Variants in UNC5D observed in about 807,000 individuals in gnomAD.
The protein encoded by UNC5D is unc-5 netrin receptor D.
In UNC5D, 39 loss-of-function variants were observed where a neutral mutation model predicts 105.4. That is an observed-to-expected ratio of 0.37 (90% CI 0.29 to 0.48). The LOEUF (loss-of-function observed/expected upper bound fraction) is 0.48. Ranked by LOEUF, UNC5D falls within the 20% of genes least tolerant of loss-of-function variation. UNC5D has a pLI of 0.98. For missense variants in UNC5D, 991 were observed against 1,202.4 expected (o/e 0.82, Z 2.60); for synonymous variants, 452 against 450.4 (o/e 1.00, Z -0.04).
intron 3 of UNC5D, among the ~76,000 whole-genome samples, chr8:35,578,111 G>A (rs1164024964): frequency 6.6e-6 from 1 of 151,368 alleles, no homozygotes; most frequent in African/African-American, 2.4e-5. Context: ...TGTAATCCCA[G>A]CTGCTCAGGA....
At chr8:35,525,295 T>G in intron 1 of UNC5D, 1 of 1,612,156 alleles carries the variant, frequency 6.2e-7, no homozygotes, top group South Asian at 1.1e-5. Flanking sequence ...CTCAGTGCAC[T>G]CCCCTCTTTG....
intron 3 of UNC5D, among the ~76,000 whole-genome samples, chr8:35,579,614 C>A (rs142033818): frequency 6.6e-6 from 1 of 152,112 alleles, no homozygotes; most frequent in African/African-American, 2.4e-5. Flanking sequence ...TGAGTCCATC[C>A]ATCCAGGATG....
chr8:35,584,396 G>A (rs897221230), intron 3 of UNC5D, among the ~76,000 whole-genome samples: 2 of 150,792 alleles, frequency 1.3e-5, no homozygotes, highest in Non-Finnish European at 3.0e-5. Flanking sequence ...TTGTTTGTTT[G>A]TTTTGTTTTG....
intron 1 of UNC5D, among the ~76,000 whole-genome samples, chr8:35,512,997 A>T (rs190057239): frequency 4.2e-4 from 62 of 147,594 alleles, no homozygotes; most frequent in African/African-American, 1.5e-3. Context: ...CTTTATTCTC[A>T]TTTCTTCCTC....
In UNC5D at chr8:35,790,857, A is replaced by G. The variant is rs1283757570; in HGVS notation, c.*294A>G. ...AGTGAGGGCAGAAGTAGCTGTGGGA[A>G]AAGATGAGCTATGATAATGCTGGGA... On this transcript the variant is annotated 3_prime_UTR_variant, in exon 17 of 17. Transcript: ENST00000404895. 9.2e-6 allele frequency: 4 copies of G among 436,814 alleles called. No individual in the cohort carries two copies. The highest frequency in any genetic ancestry group is 1.7e-5 in the Non-Finnish European group (4 of 239,964). The allele number at this position is 436,814 out of a possible 1,614,324, so 27.1% of individuals were successfully genotyped here.
At chr8:35,510,010 C>T (rs188581430) in intron 1 of UNC5D, among the ~76,000 whole-genome samples, 202 of 152,182 alleles carry the variant, frequency 1.3e-3, no homozygotes, top group African/African-American at 4.7e-3. Flanking sequence ...AGCTTTCGTG[C>T]CCTCTTTGGG....
chr8:35,423,212 A>G (rs1919344), intron 1 of UNC5D, among the ~76,000 whole-genome samples: 79,625 of 152,022 alleles, frequency 0.52, 21,556 homozygotes, highest in African/African-American at 0.66. Flanking sequence ...GTGTTGAGCA[A>G]GAGTCCTCCT....
intron 1 of UNC5D, among the ~76,000 whole-genome samples, chr8:35,246,446 A>G (rs1803105132): frequency 6.6e-6 from 1 of 152,112 alleles, no homozygotes. Context: ...CAGTGGCTGT[A>G]GGTTAATGCA....
At chr8:35,304,261 T>G (rs1202465472) in intron 1 of UNC5D, among the ~76,000 whole-genome samples, 1 of 152,136 alleles carries the variant, frequency 6.6e-6, no homozygotes, top group Non-Finnish European at 1.5e-5. Flanking sequence ...GGGAAGATAT[T>G]TACTTGCTGT....
rs376511041 is a variant in UNC5D, at chr8:35,322,987, C to A, written c.103+87100C>A. On this transcript the variant is annotated intron_variant, in intron 1 of 16. Coordinates refer to ENST00000404895, the MANE Select transcript of UNC5D (RefSeq NM_080872.4). ...ATCTTACAGGCTTCTTTATTTTAGCCCAGGCATTTCTGCCTCTGCAATCCA... is the reference window on the plus strand; with the variant it reads ...ATCTTACAGGCTTCTTTATTTTAGCACAGGCATTTCTGCCTCTGCAATCCA... Among the ~76,000 whole-genome samples, 140 of 152,068 alleles carry A rather than the reference C, an allele frequency of 9.2e-4. 4 individuals carry two copies. In the South Asian group the frequency reaches 0.025, roughly 27 times the overall value.
At chr8:35,563,260 T>C (rs887313966) in intron 2 of UNC5D, among the ~76,000 whole-genome samples, 4 of 151,518 alleles carry the variant, frequency 2.6e-5, no homozygotes, top group African/African-American at 9.7e-5. Context: ...TTTACTTTTG[T>C]GTATGTCCTC....
intron 16 of UNC5D, among the ~76,000 whole-genome samples, chr8:35,778,760 C>T (rs1432447296): frequency 6.6e-6 from 1 of 152,208 alleles, no homozygotes; most frequent in African/African-American, 2.4e-5. Flanking sequence ...TTTGCTTTTA[C>T]TTTATTGCCA....
intron 1 of UNC5D, among the ~76,000 whole-genome samples, chr8:35,432,604 C>A (rs1806717484): frequency 1.3e-5 from 2 of 152,108 alleles, no homozygotes; most frequent in African/African-American, 4.8e-5. Context: ...TAATTCTATG[C>A]AACTAATGTT....
chr8:35,750,131 C>A (rs555250425), intron 12 of UNC5D, among the ~76,000 whole-genome samples: 1 of 152,112 alleles, frequency 6.6e-6, no homozygotes, highest in African/African-American at 2.4e-5. Flanking sequence ...TGAACATAAC[C>A]ATTTCTTGAG....
chr8:35,470,382 G>A (rs1809616257), intron 1 of UNC5D, among the ~76,000 whole-genome samples: 1 of 151,938 alleles, frequency 6.6e-6, no homozygotes, highest in Non-Finnish European at 1.5e-5. Context: ...TGTTGACCTA[G>A]GGGAATTGGC....
Position 35,684,703 on chromosome 8 carries a change from T to C in UNC5D, c.873T>C (p.Cys291=), listed in dbSNP as rs1315751869. The C allele has an allele frequency of 6.2e-7, 1 of 1,613,872 alleles. No individual in the cohort carries two copies. Among genetic ancestry groups the C allele is most frequent in the Non-Finnish European group, 8.5e-7 (1 of 1,179,882 alleles). The stretch of plus-strand genomic sequence containing the variant: ...CTCCTCTCAATGGTGGGGCCTTTTG[T>C]GAGGGAATGTCAGTGCAGAAAATAA... ...NPAPLNGGAF[C]EGMSVQKITC... Residue 291 remains cysteine (C), a synonymous_variant, in exon 6 of 17, where the codon TGT becomes TGC. Transcript: ENST00000404895.
intron 1 of UNC5D, among the ~76,000 whole-genome samples, chr8:35,435,341 T>C (rs1400758001): frequency 6.6e-6 from 1 of 152,096 alleles, no homozygotes; most frequent in East Asian, 1.9e-4. Context: ...TTTCCAACAG[T>C]AGCAAAACAT....
chr8:35,656,480 AG>A lies in UNC5D; in HGVS notation c.571-27064del, dbSNP rs113933529. On this transcript the variant is annotated intron_variant, in intron 4 of 16. Transcript: ENST00000404895. Reference sequence around the variant, plus strand: ...TAAATATTATTTTCCCCATCATCCAAGGGAAAAGCATTAAGAGTTAAACACT... The same window carrying A: ...TAAATATTATTTTCCCCATCATCCAAGGAAAAGCATTAAGAGTTAAACACT... Among the ~76,000 whole-genome samples, 1,095 of 152,200 alleles carry A rather than the reference AG, an allele frequency of 7.2e-3. 21 individuals are homozygous for A. The highest frequency in any genetic ancestry group is 0.024 in the African/African-American group (1,007 of 41,546).
rs74437444 is a variant in UNC5D, at chr8:35,608,050, T to C, written c.570+12393T>C. 6.7e-3 allele frequency among the ~76,000 whole-genome samples: 1,017 copies of C among 152,246 alleles called. 7 individuals are homozygous for C. Among genetic ancestry groups the C allele is most frequent in the African/African-American group, 0.022 (912 of 41,544 alleles). On this transcript the variant is annotated intron_variant, in intron 4 of 16. Transcript: ENST00000404895. Reference sequence around the variant, plus strand: ...ATGGCCTCATACTTTATATTCTGCATCATAAAGCATCTGCAAAGACCCAAT... The same window carrying C: ...ATGGCCTCATACTTTATATTCTGCACCATAAAGCATCTGCAAAGACCCAAT...
Sources: allele counts gnomAD v4.1 joint callset (sites outside exome capture counted in the v4.1 genomes callset), GRCh38; gene constraint gnomAD v4.1.1; transcripts MANE v1.5; gene names NCBI Gene and HGNC (gene_info 2026-07-23, HGNC 2026-07-21).